Variants in TENT4B observed in about 807,000 individuals in gnomAD.
TENT4B encodes the protein PAP associated domain containing 5.
Under a neutral mutation model 75.0 loss-of-function variants are expected in TENT4B, and 10 were observed. The observed-to-expected ratio is 0.13, with a 90% CI of 0.08 to 0.23. The LOEUF (loss-of-function observed/expected upper bound fraction) is 0.23. TENT4B is among the 10% of genes least tolerant of loss of function. The probability of loss-of-function intolerance (pLI) is 1.00; values close to 1 mark genes in which losing one functional copy is unlikely to be tolerated. For synonymous variants in TENT4B, 350 were observed against 357.7 expected, an observed-to-expected ratio of 0.98 and a Z score of 0.24; for missense variants, 579 against 893.8, an observed-to-expected ratio of 0.65 and a Z score of 4.49.
intron 1 of TENT4B, among the ~76,000 whole-genome samples, chr16:50,205,484 TCTC>T (rs1344916784): frequency 6.6e-6 from 1 of 150,888 alleles, no homozygotes; most frequent in Non-Finnish European, 1.5e-5. Flanking sequence ...TGTTAACAGT[TCTC>T]CTTCCAGAAA....
intron 2 of TENT4B, among the ~76,000 whole-genome samples, chr16:50,212,304 C>T (rs924288144): frequency 6.6e-6 from 1 of 152,050 alleles, no homozygotes; most frequent in Non-Finnish European, 1.5e-5. Flanking sequence ...GCAATGTGCC[C>T]GCCTTGGCCT....
intron 1 of TENT4B, among the ~76,000 whole-genome samples, chr16:50,171,493 G>A (rs938890253): frequency 2.6e-5 from 4 of 151,976 alleles, no homozygotes; most frequent in African/African-American, 4.8e-5. Flanking sequence ...CAGATGAGGG[G>A]GCTATTTCGT....
At position 50,230,260 on chromosome 16, in the gene TENT4B, T is replaced by A; in HGVS notation, c.*932T>A. Reference sequence around the variant, plus strand: ...ATTACATGACTTTGTGTTTGCTTCCTTTGCAGTCTTTTTTTTTTCCCCCCA... The same window carrying A: ...ATTACATGACTTTGTGTTTGCTTCCATTGCAGTCTTTTTTTTTTCCCCCCA... On this transcript the variant is annotated 3_prime_UTR_variant, in exon 12 of 12. Transcript: ENST00000561678. The A allele has an allele frequency of 2.0e-6, 2 of 983,762 alleles. No individual in the cohort carries two copies. Among genetic ancestry groups the A allele is most frequent in the South Asian group, 9.4e-5 (2 of 21,192 alleles). The allele number at this position is 983,762 out of a possible 1,614,324, so 60.9% of individuals were successfully genotyped here. A position where few individuals can be genotyped will look rare whatever the true frequency, so the allele number is the denominator to read the frequency against.
intron 5 of TENT4B, among the ~76,000 whole-genome samples, chr16:50,220,231 G>A (rs1273237519): frequency 1.3e-5 from 2 of 151,876 alleles, no homozygotes; most frequent in Non-Finnish European, 2.9e-5. Context: ...CAGGTGATCC[G>A]CCCTCCTCAG....
Position 50,196,434 on chromosome 16 carries a change from G to A in TENT4B, c.639-14889G>A, listed in dbSNP as rs140533276. Among the ~76,000 whole-genome samples the A allele has an allele frequency of 4.1e-3, 625 of 152,104 alleles. 8 individuals are homozygous for A. Among genetic ancestry groups the A allele is most frequent in the Non-Finnish European group, 6.5e-3 (441 of 67,986 alleles). On this transcript the variant is annotated intron_variant, in intron 1 of 11. Transcript: ENST00000561678. Reference sequence around the variant, plus strand: ...TTACCACAGTATGAGTGCCTTGTTTGTGAAATTTGTTTACCGGGAAGCCAT... The same window carrying A: ...TTACCACAGTATGAGTGCCTTGTTTATGAAATTTGTTTACCGGGAAGCCAT...
At chr16:50,159,221 G>A (rs938713714) in intron 1 of TENT4B, among the ~76,000 whole-genome samples, 7 of 148,628 alleles carry the variant, frequency 4.7e-5, no homozygotes, top group African/African-American at 1.5e-4. Context: ...TCTCGCTCTC[G>A]CTCCCTCCCT....
At chr16:50,169,516 T>C (rs533193515) in intron 1 of TENT4B, among the ~76,000 whole-genome samples, 2 of 151,818 alleles carry the variant, frequency 1.3e-5, no homozygotes, top group South Asian at 4.2e-4. Flanking sequence ...CTATATTTAT[T>C]AATTCATTAT....
At chr16:50,163,544 C>T (rs966719781) in intron 1 of TENT4B, among the ~76,000 whole-genome samples, 1 of 150,824 alleles carries the variant, frequency 6.6e-6, no homozygotes, top group Non-Finnish European at 1.5e-5. Flanking sequence ...GGACTACAGG[C>T]GCCCGCCACC....
At chr16:50,170,384 C>T (rs1434779295) in intron 1 of TENT4B, among the ~76,000 whole-genome samples, 1 of 152,204 alleles carries the variant, frequency 6.6e-6, no homozygotes, top group African/African-American at 2.4e-5. Flanking sequence ...ATAACCCATA[C>T]AGCCTTCCTT....
chr16:50,193,803 A>G (rs138890084), intron 1 of TENT4B, among the ~76,000 whole-genome samples: 24 of 152,222 alleles, frequency 1.6e-4, no homozygotes, highest in African/African-American at 5.8e-4. Flanking sequence ...GGAAGTGATC[A>G]CTGTTTTGGC....
intron 1 of TENT4B, 130 bp downstream of exon 1, chr16:50,154,389 G>A: frequency 3.1e-6 from 4 of 1,311,376 alleles, no homozygotes; most frequent in Non-Finnish European, 3.9e-6. Flanking sequence ...CTGTTGCACG[G>A]GGGTGCTGCT....
In TENT4B at chr16:50,229,587, G is replaced by A; in HGVS notation, c.*259G>A. 2.5e-6 allele frequency: 3 copies of A among 1,178,306 alleles called. No homozygotes were observed. Among genetic ancestry groups the A allele is most frequent in the Non-Finnish European group, 3.1e-6 (3 of 955,666 alleles). The allele number at this position is 1,178,306 out of a possible 1,614,324, so 73.0% of individuals were successfully genotyped here. A position where few individuals can be genotyped will look rare whatever the true frequency, so the allele number is the denominator to read the frequency against. On this transcript the variant is annotated 3_prime_UTR_variant, in exon 12 of 12. Coordinates refer to ENST00000561678, the MANE Select transcript of TENT4B (RefSeq NM_001365324.3). The stretch of plus-strand genomic sequence containing the variant: ...TTGATAAGTCATATGCTACAACAGG[G>A]TCATTTTAAGATTTAAAGCTTGAAT...
intron 1 of TENT4B, among the ~76,000 whole-genome samples, chr16:50,210,057 A>AC (rs1164687388): frequency 1.3e-5 from 2 of 150,730 alleles, no homozygotes; most frequent in African/African-American, 4.9e-5. Flanking sequence ...CCCAGGCCAA[A>AC]CCCCCTGCCC....
intron 5 of TENT4B, 113 bp downstream of exon 5, chr16:50,217,776 T>TCTCTCTCTCTCTCTCTC: frequency 2.3e-4 from 3 of 12,946 alleles, no homozygotes; most frequent in South Asian, 2.0e-3. Flanking sequence ...CTCTCTCTCT[T>TCTCTCTCTCTCTCTCTC]TTAAATAGAG....
chr16:50,195,286 C>T (rs1428413290), intron 1 of TENT4B, among the ~76,000 whole-genome samples: 2 of 152,146 alleles, frequency 1.3e-5, no homozygotes, highest in Non-Finnish European at 2.9e-5. Flanking sequence ...GATACCCCCT[C>T]CAAAGCACAG....
intron 1 of TENT4B, among the ~76,000 whole-genome samples, chr16:50,194,725 T>G (rs930037044): frequency 1.4e-5 from 2 of 145,090 alleles, no homozygotes; most frequent in Non-Finnish European, 3.0e-5. Flanking sequence ...CTACAGGCGC[T>G]AGCCACCGTG....
At chr16:50,211,625 A>C (rs2150734259) in intron 2 of TENT4B, among the ~76,000 whole-genome samples, 179 bp downstream of exon 2, 1 of 152,318 alleles carries the variant, frequency 6.6e-6, no homozygotes, top group East Asian at 1.9e-4. Flanking sequence ...AGGCTTCCTA[A>C]CTATTTTCAT....
chr16:50,205,021 T>G (rs2030868381), intron 1 of TENT4B, among the ~76,000 whole-genome samples: 1 of 152,212 alleles, frequency 6.6e-6, no homozygotes, highest in Non-Finnish European at 1.5e-5. Flanking sequence ...AAGGCTAGAT[T>G]ATTAGAGTAA....
At position 50,225,419 on chromosome 16, in the gene TENT4B, T is replaced by G. The variant is rs1265301010; in HGVS notation, c.1800+134T>G. 3 of 894,246 alleles carry G rather than the reference T, an allele frequency of 3.4e-6. No individual in the cohort carries two copies. In the East Asian group the frequency reaches 7.9e-5, roughly 24 times the overall value. 55.4% of individuals were successfully genotyped at this position (894,246 alleles called of 1,614,324 possible). ...GGGATATTTTAATAACTTTCATGCT[T>G]GTACATTTTCTCAACATTTTGTTAT... On this transcript the variant is annotated intron_variant, in intron 10 of 11. Transcript: ENST00000561678.
Sources: allele counts gnomAD v4.1 joint callset (sites outside exome capture counted in the v4.1 genomes callset), GRCh38; gene constraint gnomAD v4.1.1; transcripts MANE v1.5; gene names NCBI Gene and HGNC (gene_info 2026-07-23, HGNC 2026-07-21).